The following RAPGEF1 variants were observed in gnomAD, a reference collection of about 807,000 sequenced individuals.
RAPGEF1 encodes CRK SH3-binding GNRP.
A neutral mutation model predicts 143.3 loss-of-function variants in RAPGEF1; 33 were observed. The observed-to-expected ratio is 0.23, with a 90% CI of 0.17 to 0.31. The LOEUF (loss-of-function observed/expected upper bound fraction) is 0.31, where lower values mean the gene tolerates loss of function less well. RAPGEF1 is among the 10% of genes least tolerant of loss of function. The pLI is 1.00. For missense variants in RAPGEF1, 1,199 were observed against 1,645.4 expected, an observed-to-expected ratio of 0.73 and a Z score of 4.69; for synonymous variants, 629 against 676.5, an observed-to-expected ratio of 0.93 and a Z score of 1.09.
At position 131,577,996 on chromosome 9, in the gene RAPGEF1, T is replaced by C. The variant is rs1951389524; in HGVS notation, c.*1501A>G. 1 of 152,234 alleles carries C rather than the reference T, an allele frequency of 6.6e-6. No individual in the cohort carries two copies. The highest frequency in any genetic ancestry group is 6.5e-5 in the Admixed American group (1 of 15,286). The allele number at this position is 152,234 out of a possible 1,614,324, so 9.4% of individuals were successfully genotyped here. ...AACCTAAATGATCAACAGATGTTGCTTTCTATATTTTTCCTTTGTTCTGTT... is the reference window on the plus strand; with the variant it reads ...AACCTAAATGATCAACAGATGTTGCCTTCTATATTTTTCCTTTGTTCTGTT... On this transcript the variant is annotated 3_prime_UTR_variant, in exon 27 of 27. Coordinates refer to ENST00000683357, the MANE Select transcript of RAPGEF1 (RefSeq NM_001377935.1).
At chr9:131,731,872 T>A (rs12338966) in intron 1 of RAPGEF1, among the ~76,000 whole-genome samples, 2,600 of 152,248 alleles carry the variant, frequency 0.017, 85 homozygotes, top group African/African-American at 0.06. Flanking sequence ...AAGTCTAAGC[T>A]GTTACAGGAG....
At chr9:131,663,542 C>A (rs894825378) in intron 1 of RAPGEF1, among the ~76,000 whole-genome samples, 1 of 149,386 alleles carries the variant, frequency 6.7e-6, no homozygotes, top group African/African-American at 2.5e-5. Flanking sequence ...CTTATCTAGT[C>A]TGGAGGCAGG....
At chr9:131,620,154 G>A (rs893525908) in intron 11 of RAPGEF1, among the ~76,000 whole-genome samples, 4 of 152,162 alleles carry the variant, frequency 2.6e-5, no homozygotes, top group South Asian at 2.1e-4. Context: ...CTGATTCCAC[G>A]TGCTCCCTAG....
Position 131,584,168 on chromosome 9 carries a change from T to C in RAPGEF1, c.3414+143A>G. On this transcript the variant is annotated intron_variant, in intron 24 of 26. Transcript: ENST00000683357. The surrounding 1 kb of genome is among the most constrained non-coding windows in gnomAD (Gnocchi z 6.8). The stretch of plus-strand genomic sequence containing the variant: ...GAAGGCGGGAGGGCAGCTGTTCTGG[T>C]CACACAGCATGTCGGTGGCAGAGCA... 1 of 745,600 alleles carries C rather than the reference T, an allele frequency of 1.3e-6. No homozygotes were observed. The highest frequency in any genetic ancestry group is 2.2e-6 in the Non-Finnish European group (1 of 457,304). The allele number at this position is 745,600 out of a possible 1,614,324, so 46.2% of individuals were successfully genotyped here. A position where few individuals can be genotyped will look rare whatever the true frequency, so the allele number is the denominator to read the frequency against.
At chr9:131,597,027 G>A (rs1210677203) in intron 16 of RAPGEF1, among the ~76,000 whole-genome samples, 2 of 152,176 alleles carry the variant, frequency 1.3e-5, no homozygotes, top group Non-Finnish European at 2.9e-5. Context: ...TTCCATGTGG[G>A]CAAACAGAGG....
At chr9:131,617,555 A>T (rs891450933) in intron 12 of RAPGEF1, among the ~76,000 whole-genome samples, 2 of 152,214 alleles carry the variant, frequency 1.3e-5, no homozygotes, top group African/African-American at 4.8e-5. Context: ...CAAACTCATC[A>T]TTTACAGAGG....
chr9:131,680,107 T>C (rs1832779038), intron 1 of RAPGEF1, among the ~76,000 whole-genome samples: 1 of 152,254 alleles, frequency 6.6e-6, no homozygotes, highest in Admixed American at 6.5e-5. Flanking sequence ...TGATTAACAG[T>C]GCACACTGAT....
At chr9:131,632,708 A>G (rs755746615) in intron 5 of RAPGEF1, among the ~76,000 whole-genome samples, 1 of 152,238 alleles carries the variant, frequency 6.6e-6, no homozygotes, top group Non-Finnish European at 1.5e-5. Context: ...GCTGTAATAC[A>G]CTGAGTGGAA....
At chr9:131,716,345 C>G (rs1196537659) in intron 1 of RAPGEF1, among the ~76,000 whole-genome samples, 2 of 152,238 alleles carry the variant, frequency 1.3e-5, no homozygotes, top group Non-Finnish European at 2.9e-5. Context: ...TCTGAAGAAG[C>G]TGTTTACTTG....
chr9:131,633,739 T>G (rs1269824976), intron 5 of RAPGEF1, among the ~76,000 whole-genome samples: 3 of 152,168 alleles, frequency 2.0e-5, no homozygotes, highest in Non-Finnish European at 2.9e-5. Flanking sequence ...CTTTTTAAAT[T>G]TACCACCTAT....
At chr9:131,703,332 G>C (rs971873301) in intron 1 of RAPGEF1, among the ~76,000 whole-genome samples, 2 of 152,078 alleles carry the variant, frequency 1.3e-5, no homozygotes, top group Admixed American at 1.3e-4. Context: ...CACTCAACAT[G>C]CATTTTCTTG....
intron 1 of RAPGEF1, among the ~76,000 whole-genome samples, chr9:131,682,896 C>T (rs1306874528): frequency 6.6e-6 from 1 of 152,176 alleles, no homozygotes; most frequent in Non-Finnish European, 1.5e-5. Context: ...CTCAATGTAA[C>T]ATATTTGGAG....
chr9:131,596,418 T>C, intron 16 of RAPGEF1, 45 bp from the exon 17 acceptor site: 1 of 1,583,948 alleles, frequency 6.3e-7, no homozygotes, highest in East Asian at 2.2e-5. Flanking sequence ...GAGTATGCCC[T>C]TCAGAGAATC....
chr9:131,674,924 G>A (rs752089), intron 1 of RAPGEF1, among the ~76,000 whole-genome samples: 1 of 152,064 alleles, frequency 6.6e-6, no homozygotes, highest in Non-Finnish European at 1.5e-5. Context: ...TCTGGAGAGA[G>A]GGGTGGGGGT....
intron 1 of RAPGEF1, among the ~76,000 whole-genome samples, chr9:131,698,680 G>A (rs1039740022): frequency 2.0e-5 from 3 of 152,210 alleles, no homozygotes; most frequent in Non-Finnish European, 2.9e-5. Flanking sequence ...ATAAAGTAGA[G>A]GTAACTGTGC....
intron 12 of RAPGEF1, among the ~76,000 whole-genome samples, chr9:131,617,958 ACT>A (rs922040008): frequency 6.6e-6 from 1 of 151,768 alleles, no homozygotes; most frequent in African/African-American, 2.4e-5. Context: ...CCAGTGAAAG[ACT>A]CCCCTCTTCA....
At chr9:131,629,489 G>A (rs1215032979) in intron 6 of RAPGEF1, among the ~76,000 whole-genome samples, 1 of 152,076 alleles carries the variant, frequency 6.6e-6, no homozygotes, top group Non-Finnish European at 1.5e-5. Context: ...AATGATCTAA[G>A]GGTTCTCTAA....
chr9:131,728,934 C>A (rs1304056574), intron 1 of RAPGEF1, among the ~76,000 whole-genome samples: 1 of 152,190 alleles, frequency 6.6e-6, no homozygotes, highest in African/African-American at 2.4e-5. Flanking sequence ...CCCCATTTTA[C>A]AGATAAGGAA....
chr9:131,635,765 G>T (rs1243988311), intron 5 of RAPGEF1, among the ~76,000 whole-genome samples: 3 of 152,000 alleles, frequency 2.0e-5, no homozygotes, highest in Non-Finnish European at 4.4e-5. Context: ...TTGGGGGTGG[G>T]AATCACAGCC....
Sources: allele counts gnomAD v4.1 joint callset (sites outside exome capture counted in the v4.1 genomes callset), GRCh38; gene constraint gnomAD v4.1.1; non-coding constraint Gnocchi (gnomAD v3.1); transcripts MANE v1.5; gene names NCBI Gene and HGNC (gene_info 2026-07-23, HGNC 2026-07-21).